Variants in PYY observed in about 807,000 individuals in gnomAD.
PYY encodes peptide tyrosine tyrosine.
A neutral mutation model predicts 10.3 loss-of-function variants in PYY; 12 were observed. The observed-to-expected ratio is 1.17, with a 90% CI of 0.75 to 1.89. PYY has a LOEUF of 1.89. PYY is among the 40% of genes most tolerant of loss of function. PYY has a pLI of 0.00. For synonymous variants in PYY, 66 were observed against 62.0 expected, an observed-to-expected ratio of 1.06 and a Z score of -0.30; for missense variants, 141 against 134.0, an observed-to-expected ratio of 1.05 and a Z score of -0.26.
At chr17:43,975,094 T>G (rs536127856) in intron 1 of PYY, among the ~76,000 whole-genome samples, 2 of 152,258 alleles carry the variant, frequency 1.3e-5, no homozygotes, top group African/African-American at 4.8e-5. Context: ...CAGGAGAGAT[T>G]GTGCTGTGTG....
intron 1 of PYY, among the ~76,000 whole-genome samples, chr17:44,003,795 C>A (rs993170266): frequency 2.0e-5 from 3 of 151,424 alleles, no homozygotes; most frequent in Admixed American, 6.6e-5. Flanking sequence ...ACAGTCTGGG[C>A]AACATGGTGA....
chr17:43,963,610 G>GAAAGGAA (rs1332206905), intron 2 of PYY, among the ~76,000 whole-genome samples: 3 of 87,682 alleles, frequency 3.4e-5, no homozygotes, highest in African/African-American at 9.9e-5. Context: ...AAGAAAGAAA[G>GAAAGGAA]AAAGAAAGAA....
intron 2 of PYY, among the ~76,000 whole-genome samples, chr17:43,963,915 T>C (rs1331503047): frequency 1.3e-5 from 2 of 152,092 alleles, no homozygotes; most frequent in Non-Finnish European, 1.5e-5. Flanking sequence ...TAGAAGGCTG[T>C]GGTGGGAGGA....
At chr17:43,999,787 AGAAGT>A (rs1324103465) in intron 1 of PYY, among the ~76,000 whole-genome samples, 1 of 151,726 alleles carries the variant, frequency 6.6e-6, no homozygotes, top group Non-Finnish European at 1.5e-5. Flanking sequence ...AAAAAAGAAA[AGAAGT>A]TTTGTTAAGA....
At chr17:43,991,034 C>T (rs568530071) in intron 1 of PYY, among the ~76,000 whole-genome samples, 37 of 151,798 alleles carry the variant, frequency 2.4e-4, no homozygotes, top group African/African-American at 8.4e-4. Context: ...CCGCCCGCCT[C>T]GGCCTCCCAA....
Position 43,953,099 on chromosome 17 carries a change from G to T in PYY, c.269+10C>A, listed in dbSNP as rs761592958. ...TCGGATGCAGGATGTGTGGTAACGG[G>T]CGCTTTTACCGCGACCTGACGGGGC... On this transcript the variant is annotated intron_variant, in intron 3 of 3. Coordinates refer to ENST00000692052, the MANE Select transcript of PYY (RefSeq NM_001394028.1). 11 of 1,613,766 alleles carry T rather than the reference G, an allele frequency of 6.8e-6. No homozygotes were observed. The Admixed American group carries it at 1.7e-4, about 24-fold the overall frequency.
chr17:43,972,910 T>C (rs959063647), intron 1 of PYY, among the ~76,000 whole-genome samples: 1 of 151,990 alleles, frequency 6.6e-6, no homozygotes, highest in Non-Finnish European at 1.5e-5. Flanking sequence ...AGACGGTGTT[T>C]CACCATGTTG....
chr17:43,969,392 C>T (rs1181168483), intron 1 of PYY, among the ~76,000 whole-genome samples: 1 of 151,306 alleles, frequency 6.6e-6, no homozygotes, highest in East Asian at 2.0e-4. Flanking sequence ...TGGCGGGCAC[C>T]TGTAATCCCA....
upstream of PYY, among the ~76,000 whole-genome samples, chr17:43,956,118 G>A (rs530786377): frequency 2.2e-3 from 338 of 152,208 alleles, no homozygotes; most frequent in African/African-American, 7.8e-3. Flanking sequence ...GAAGAGAGGA[G>A]AGACACTGTA....
chr17:43,965,816 A>AAAAAAGAG (rs1555617405), intron 2 of PYY, among the ~76,000 whole-genome samples: 1 of 142,612 alleles, frequency 7.0e-6, no homozygotes, highest in African/African-American at 2.5e-5. Context: ...AAAAAAAAAA[A>AAAAAAGAG]AGAGAGAGAA....
chr17:44,000,723 AT>A (rs34630347), intron 1 of PYY, among the ~76,000 whole-genome samples: 48 of 143,256 alleles, frequency 3.4e-4, no homozygotes, highest in East Asian at 1.2e-3. Flanking sequence ...TAATTTTTGT[AT>A]TTTTTTTTTT....
At chr17:44,004,130 C>T (rs1402819864) in intron 1 of PYY, among the ~76,000 whole-genome samples, 1 of 152,090 alleles carries the variant, frequency 6.6e-6, no homozygotes, top group Non-Finnish European at 1.5e-5. Context: ...AGCTGGTACC[C>T]AGTGACTGGA....
At chr17:43,959,786 C>T (rs1032838747) in intron 2 of PYY, among the ~76,000 whole-genome samples, 10 of 152,390 alleles carry the variant, frequency 6.6e-5, no homozygotes, top group Middle Eastern at 3.4e-3. Context: ...GTGAGTTCTG[C>T]GCACATCCCC....
intron 1 of PYY, among the ~76,000 whole-genome samples, chr17:43,990,789 A>T (rs539909627): frequency 1.5e-4 from 22 of 149,810 alleles, no homozygotes; most frequent in African/African-American, 5.4e-4. Context: ...CTAGGATTTA[A>T]TGTTGTTTTT....
Position 43,953,169 on chromosome 17 carries a change from G to T in PYY, c.209C>A (p.Pro70Gln). Reference protein sequence around the residue: ...TRQRYGKRDGPDTLLSKTFFP... With the variant: ...TRQRYGKRDGQDTLLSKTFFP... ...GAACGTTTTGGAAAGAAGCGTGTCCGGGCCGTCTCTTTTCCCATACCTGGG... is the reference window on the plus strand; with the variant it reads ...GAACGTTTTGGAAAGAAGCGTGTCCTGGCCGTCTCTTTTCCCATACCTGGG... The change falls in exon 3 of 4, where the codon CCG becomes CAG. Residue 70 changes from proline (P) to glutamine (Q), a missense_variant. Coordinates refer to ENST00000692052, the MANE Select transcript of PYY (RefSeq NM_001394028.1). 6.2e-7 allele frequency: 1 copy of T among 1,613,912 alleles called. No individual in the cohort carries two copies. Among genetic ancestry groups the T allele is most frequent in the Admixed American group, 1.7e-5 (1 of 60,014 alleles).
At chr17:43,991,025 C>T (rs1281003588) in intron 1 of PYY, among the ~76,000 whole-genome samples, 3 of 151,618 alleles carry the variant, frequency 2.0e-5, no homozygotes, top group Admixed American at 6.6e-5. Flanking sequence ...CCTCATGATC[C>T]GCCCGCCTCG....
At chr17:43,978,911 G>A (rs1597852940) in intron 1 of PYY, among the ~76,000 whole-genome samples, 1 of 152,140 alleles carries the variant, frequency 6.6e-6, no homozygotes, top group Admixed American at 6.5e-5. Context: ...TAAACTGTGG[G>A]CACCCCCTGT....
chr17:43,976,258 CATGTATACATGTACGTAT>C, intron 1 of PYY, among the ~76,000 whole-genome samples: 1 of 139,564 alleles, frequency 7.2e-6, no homozygotes, highest in African/African-American at 2.9e-5. Context: ...CATATGTATA[CATGTATACATGTACGTAT>C]ATATACGCAT....
Position 43,986,063 on chromosome 17 carries a change from T to C in PYY, c.-463+18328A>G, listed in dbSNP as rs555328961. ...CCTGAGGTCAGGATTTTAAGACTAC[T>C]AGCCTGACCAACATGGTGAAACCCC... On this transcript the variant is annotated intron_variant, in intron 1 of 6. Coordinates refer to the PYY transcript ENST00000360085. 1.2e-4 allele frequency among the ~76,000 whole-genome samples: 18 copies of C among 152,232 alleles called. No individual in the cohort carries two copies. In the East Asian group the frequency reaches 3.3e-3, roughly 28 times the overall value.
Sources: gnomAD v4.1 joint callset for allele counts (sites outside exome capture counted in the v4.1 genomes callset) on GRCh38, gnomAD v4.1.1 for gene constraint, MANE v1.5 for transcripts, NCBI Gene and HGNC (gene_info 2026-07-23, HGNC 2026-07-21) for gene names.